The following EIF4G3 variants were observed in gnomAD, a reference collection of about 807,000 sequenced individuals.
The protein encoded by EIF4G3 is eukaryotic translation initiation factor 4 gamma 3, also known as eIF-4-gamma 3.
In EIF4G3, 34 loss-of-function variants were observed where a neutral mutation model predicts 186.4. The observed-to-expected ratio is 0.18, with a 90% CI of 0.14 to 0.24. The LOEUF is 0.24. Among genes scored for constraint, EIF4G3 ranks in the 10% least tolerant of loss-of-function variants. The probability of loss-of-function intolerance (pLI) is 1.00; values close to 1 mark genes in which losing one functional copy is unlikely to be tolerated. For missense variants in EIF4G3, 1,536 were observed against 1,948.5 expected, an observed-to-expected ratio of 0.79 and a Z score of 3.99; for synonymous variants, 673 against 679.5, an observed-to-expected ratio of 0.99 and a Z score of 0.15.
chr1:21,165,566 G>A (rs966776032), intron 2 of EIF4G3, among the ~76,000 whole-genome samples: 1 of 152,094 alleles, frequency 6.6e-6, no homozygotes, highest in Admixed American at 6.6e-5. Context: ...ACATTATGCT[G>A]AAACAAATCA....
intron 3 of EIF4G3, among the ~76,000 whole-genome samples, chr1:21,053,897 C>A (rs1366105021): frequency 6.6e-6 from 1 of 151,168 alleles, no homozygotes; most frequent in African/African-American, 2.4e-5. Context: ...AGGTGAGGGG[C>A]GCCTCTGCCC....
chr1:20,951,509 G>C (rs560396047), intron 12 of EIF4G3, among the ~76,000 whole-genome samples: 2 of 151,886 alleles, frequency 1.3e-5, no homozygotes, highest in African/African-American at 4.8e-5. Context: ...AGTTTCAGTG[G>C]GAAAAAAATG....
At chr1:21,174,504 G>C (rs2098061642) in intron 2 of EIF4G3, among the ~76,000 whole-genome samples, 1 of 152,200 alleles carries the variant, frequency 6.6e-6, no homozygotes, top group Non-Finnish European at 1.5e-5. Context: ...TGCAGGTAAT[G>C]AGTAATTTAC....
chr1:21,049,420 G>A (rs562192129), intron 4 of EIF4G3, among the ~76,000 whole-genome samples: 141 of 152,248 alleles, frequency 9.3e-4, no homozygotes, highest in African/African-American at 3.2e-3. Context: ...AGTAAGTTGA[G>A]AGGTTGTGTT....
chr1:21,014,945 G>C (rs1161251031), intron 4 of EIF4G3, among the ~76,000 whole-genome samples: 1 of 151,868 alleles, frequency 6.6e-6, no homozygotes, highest in Non-Finnish European at 1.5e-5. Flanking sequence ...TCTAGACAAA[G>C]ACTTTTAAAC....
At chr1:20,878,345 C>T (rs2081422620) in intron 20 of EIF4G3, among the ~76,000 whole-genome samples, 1 of 152,186 alleles carries the variant, frequency 6.6e-6, no homozygotes, top group Admixed American at 6.5e-5. Context: ...GACTCTCCCA[C>T]CAACATAGTG....
At chr1:21,076,623 C>A (rs2095597047) in intron 3 of EIF4G3, among the ~76,000 whole-genome samples, 1 of 152,080 alleles carries the variant, frequency 6.6e-6, no homozygotes, top group Non-Finnish European at 1.5e-5. Context: ...AACAGAGAAT[C>A]AAGAAACAAA....
At chr1:21,145,743 T>C (rs1436028424) in intron 2 of EIF4G3, among the ~76,000 whole-genome samples, 3 of 152,046 alleles carry the variant, frequency 2.0e-5, no homozygotes, top group Admixed American at 2.0e-4. Context: ...CAAATCTCTA[T>C]GGCAAAATCT....
intron 2 of EIF4G3, among the ~76,000 whole-genome samples, chr1:21,123,073 G>A (rs982897629): frequency 3.3e-5 from 5 of 152,052 alleles, no homozygotes; most frequent in South Asian, 4.1e-4. Flanking sequence ...TATCATTGCC[G>A]TTCTTTCTTA....
chr1:21,062,027 G>A (rs1268787540), intron 3 of EIF4G3, among the ~76,000 whole-genome samples: 6 of 151,470 alleles, frequency 4.0e-5, no homozygotes, highest in South Asian at 4.2e-4. Context: ...GATTACAGGC[G>A]TGAGCCACCG....
intron 15 of EIF4G3, among the ~76,000 whole-genome samples, chr1:20,902,933 G>A (rs1405729628): frequency 2.0e-5 from 3 of 152,186 alleles, no homozygotes; most frequent in Non-Finnish European, 2.9e-5. Context: ...GAGCCACTGC[G>A]CCCAGCCTTG....
chr1:21,138,848 A>C (rs562911905), intron 2 of EIF4G3, among the ~76,000 whole-genome samples: 1 of 152,252 alleles, frequency 6.6e-6, no homozygotes, highest in Admixed American at 6.5e-5. Flanking sequence ...CATGGAAAAA[A>C]AATAGCTAAA....
chr1:20,901,631 C>T (rs2090325569), intron 15 of EIF4G3, among the ~76,000 whole-genome samples: 1 of 152,032 alleles, frequency 6.6e-6, no homozygotes, highest in South Asian at 2.1e-4. Context: ...GAAACTAGTT[C>T]TATGAATAAC....
chr1:20,931,443 G>C (rs570287842), intron 14 of EIF4G3, among the ~76,000 whole-genome samples: 1 of 152,218 alleles, frequency 6.6e-6, no homozygotes, highest in South Asian at 2.1e-4. Context: ...CAGGCTTTGT[G>C]GCTCCATTTA....
intron 2 of EIF4G3, among the ~76,000 whole-genome samples, chr1:21,125,771 TACACACACAC>T (rs59291288): frequency 0.015 from 2,167 of 146,124 alleles, 33 homozygotes; most frequent in African/African-American, 0.033. Flanking sequence ...TATATATATA[TACACACACAC>T]ACACACACAC....
At chr1:21,176,567 A>ACGCCGCCGC (rs948854829) in intron 1 of EIF4G3, among the ~76,000 whole-genome samples, 155 bp downstream of exon 1, 17 of 115,242 alleles carry the variant, frequency 1.5e-4, no homozygotes, top group Non-Finnish European at 2.4e-4. Flanking sequence ...CACACGCCCG[A>ACGCCGCCGC]CGCCGCCGCC....
At chr1:20,957,289 T>C (rs2096455505) in intron 12 of EIF4G3, among the ~76,000 whole-genome samples, 1 of 152,124 alleles carries the variant, frequency 6.6e-6, no homozygotes, top group Admixed American at 6.5e-5. Flanking sequence ...TGTTTCTACA[T>C]GGTATCTGGG....
At chr1:20,877,523 T>C (rs953489972) in intron 20 of EIF4G3, among the ~76,000 whole-genome samples, 1 of 152,214 alleles carries the variant, frequency 6.6e-6, no homozygotes, top group Non-Finnish European at 1.5e-5. Context: ...CCTCTATCCA[T>C]ATTGCAACTT....
chr1:21,007,836 G>A (rs2085721300), intron 4 of EIF4G3, among the ~76,000 whole-genome samples: 1 of 152,112 alleles, frequency 6.6e-6, no homozygotes, highest in African/African-American at 2.4e-5. Flanking sequence ...GACTACTTCA[G>A]AGACGGTTAT....
Sources: allele counts gnomAD v4.1 joint callset (sites outside exome capture counted in the v4.1 genomes callset), GRCh38; gene constraint gnomAD v4.1.1; transcripts MANE v1.5; gene names NCBI Gene and HGNC (gene_info 2026-07-23, HGNC 2026-07-21).